Variants in MRPL3 observed in about 807,000 individuals in gnomAD.
MRPL3 encodes large ribosomal subunit protein uL3m.
In MRPL3, 43 loss-of-function variants were observed where a neutral mutation model predicts 44.3. The observed-to-expected ratio is 0.97, with a 90% CI of 0.76 to 1.25. The LOEUF is 1.25. Among genes scored for constraint, MRPL3 ranks in the 50% most tolerant of loss-of-function variants. MRPL3 has a pLI of 0.00. For synonymous variants in MRPL3, 171 were observed against 152.3 expected, an observed-to-expected ratio of 1.12 and a Z score of -0.91; for missense variants, 406 against 427.6, an observed-to-expected ratio of 0.95 and a Z score of 0.45.
At chr3:131,493,983 T>C (rs777592461) in intron 4 of MRPL3, among the ~76,000 whole-genome samples, 5 of 152,252 alleles carry the variant, frequency 3.3e-5, no homozygotes, top group Non-Finnish European at 7.3e-5. Context: ...ACTTGTTCAG[T>C]TTAAAATGTA....
At chr3:131,479,737 C>T (rs1933937255) in intron 6 of MRPL3, among the ~76,000 whole-genome samples, 1 of 151,956 alleles carries the variant, frequency 6.6e-6, no homozygotes, top group Admixed American at 6.6e-5. Context: ...CCCAGCTACT[C>T]GGGAGGCTGA....
At chr3:131,481,898 G>A (rs894952446) in intron 6 of MRPL3, among the ~76,000 whole-genome samples, 43 of 152,292 alleles carry the variant, frequency 2.8e-4, no homozygotes, top group African/African-American at 8.7e-4. Flanking sequence ...CACAGCAACT[G>A]TATCCTGAAG....
intron 6 of MRPL3, among the ~76,000 whole-genome samples, chr3:131,485,160 G>GT (rs1934091026): frequency 1.3e-5 from 2 of 152,116 alleles, no homozygotes; most frequent in South Asian, 2.1e-4. Context: ...AAAAACAAAA[G>GT]TTTTCCTCTT....
chr3:131,471,197 T>G lies in MRPL3; in HGVS notation c.712A>C (p.Arg238=), dbSNP rs370299896. Residue 238 remains arginine, a synonymous_variant, in exon 7 of 10, where the codon AGG becomes CGG. Transcript: ENST00000264995. ...CCAGTTGCAACAGCTCCAGGTCTCC[T>G]GTGGGTTTTCGTTTGACCATGCGTA... ...PATHGQTKTH[R]RPGAVATGDI... is the part of the protein sequence containing the mutation. 58 of 1,612,996 alleles carry G rather than the reference T, an allele frequency of 3.6e-5. No individual in the cohort carries two copies. The highest frequency in any genetic ancestry group is 4.8e-5 in the Non-Finnish European group (57 of 1,179,340).
At chr3:131,487,459 C>A (rs1385349422) in intron 6 of MRPL3, 21 of 423,890 alleles carry the variant, frequency 5.0e-5, no homozygotes, top group Admixed American at 2.6e-4. Flanking sequence ...AAAAAAAAAA[C>A]AAATAAAAAT....
intron 9 of MRPL3, among the ~76,000 whole-genome samples, chr3:131,465,814 T>C (rs755940390): frequency 1.3e-4 from 20 of 152,068 alleles, no homozygotes; most frequent in South Asian, 2.1e-4. Context: ...AGAAACCTAC[T>C]TAAACTTAAA....
At chr3:131,482,117 T>G (rs1934000627) in intron 6 of MRPL3, among the ~76,000 whole-genome samples, 1 of 152,236 alleles carries the variant, frequency 6.6e-6, no homozygotes, top group Non-Finnish European at 1.5e-5. Context: ...GCAACAATAC[T>G]TCTTTACACA....
At chr3:131,484,258 G>C (rs1417633602) in intron 6 of MRPL3, among the ~76,000 whole-genome samples, 1 of 152,104 alleles carries the variant, frequency 6.6e-6, no homozygotes, top group Non-Finnish European at 1.5e-5. Flanking sequence ...TGTGTTTCCG[G>C]ACCAGCAGCA....
At position 131,475,812 on chromosome 3, in the gene MRPL3, C is replaced by A. The variant is rs186033392; in HGVS notation, c.630-4533G>T. Among the ~76,000 whole-genome samples, 451 of 152,174 alleles carry A rather than the reference C, an allele frequency of 3.0e-3. 1 individual carries two copies. Among genetic ancestry groups the A allele is most frequent in the Non-Finnish European group, 5.3e-3 (362 of 67,998 alleles). On this transcript the variant is annotated intron_variant, in intron 6 of 9. Transcript: ENST00000264995. ...TTCCACTTAACATTGAATTTTAGAACCTAATTGGAAAGTACAGTGCTTGGC... is the reference window on the plus strand; with the variant it reads ...TTCCACTTAACATTGAATTTTAGAAACTAATTGGAAAGTACAGTGCTTGGC...
Position 131,502,913 on chromosome 3 carries a change from T to C in MRPL3, c.-92A>G, listed in dbSNP as rs749030024. ...CCACGCCACCGCCACGTGGACGCAG[T>C]AGCCGTGGGGAAGTTTTCGCAATGG... On this transcript the variant is annotated 5_prime_UTR_variant, in exon 1 of 10. Transcript: ENST00000264995. 3.9e-5 allele frequency: 48 copies of C among 1,227,642 alleles called. No individual in the cohort carries two copies. Among genetic ancestry groups the C allele is most frequent in the Admixed American group, 2.5e-4 (13 of 51,076 alleles). The allele number at this position is 1,227,642 out of a possible 1,614,324, so 76.0% of individuals were successfully genotyped here. A position where few individuals can be genotyped will look rare whatever the true frequency, so the allele number is the denominator to read the frequency against.
intron 4 of MRPL3, among the ~76,000 whole-genome samples, chr3:131,491,768 T>C (rs1384430212): frequency 6.6e-6 from 1 of 152,086 alleles, no homozygotes; most frequent in Non-Finnish European, 1.5e-5. Context: ...CCTGGATTAT[T>C]TCAATAGCCT....
chr3:131,487,665 G>C lies in MRPL3; in HGVS notation c.629+15C>G. Reference sequence around the variant, plus strand: ...TGAAAACAAAAGGAAAAGAGAACTCGCTATGAGGACCTACGTTTTGGCTGT... The same window carrying C: ...TGAAAACAAAAGGAAAAGAGAACTCCCTATGAGGACCTACGTTTTGGCTGT... On this transcript the variant is annotated intron_variant, in intron 6 of 9. Coordinates refer to ENST00000264995, the MANE Select transcript of MRPL3 (RefSeq NM_007208.4). 3 of 1,600,508 alleles carry C rather than the reference G, an allele frequency of 1.9e-6. No homozygotes were observed. The African/African-American group carries it at 4.0e-5, about 21-fold the overall frequency.
intron 6 of MRPL3, among the ~76,000 whole-genome samples, chr3:131,485,651 GA>G (rs147601693): frequency 0.012 from 1,722 of 145,418 alleles, 29 homozygotes; most frequent in African/African-American, 0.039. Context: ...CAGGAAGCAG[GA>G]AAAAAAAAAG....
At position 131,501,707 on chromosome 3, in the gene MRPL3, A is replaced by C; in HGVS notation, c.101T>G (p.Ile34Ser). The change falls in exon 2 of 10, where the codon ATC (isoleucine) becomes AGC (serine). Residue 34 changes from isoleucine to serine, a missense_variant. By Grantham distance (142) the Ile-to-Ser change is moderately radical. Transcript: ENST00000264995. ...AALGPGNRTH[I>S]WLFVRGLHGK... is the part of the protein sequence containing the mutation. ...ATGAAGACCTCTAACAAAAAGCCAG[A>C]TGTGTGTTCTATAAAAAGAAAAAAT... 1 of 1,607,716 alleles carries C rather than the reference A, an allele frequency of 6.2e-7. No individual in the cohort carries two copies. Among genetic ancestry groups the C allele is most frequent in the East Asian group, 2.2e-5 (1 of 44,836 alleles).
At chr3:131,483,270 A>C (rs2110705600) in intron 6 of MRPL3, among the ~76,000 whole-genome samples, 1 of 152,260 alleles carries the variant, frequency 6.6e-6, no homozygotes, top group East Asian at 1.9e-4. Context: ...GGGAGAAAAG[A>C]CATCATGATA....
chr3:131,475,326 T>C (rs1933832286), intron 6 of MRPL3, among the ~76,000 whole-genome samples: 1 of 152,162 alleles, frequency 6.6e-6, no homozygotes, highest in Non-Finnish European at 1.5e-5. Context: ...CCTATGTGAA[T>C]AATACAGTTT....
intron 7 of MRPL3, 113 bp downstream of exon 7, chr3:131,471,058 G>A (rs1163740387): frequency 2.8e-6 from 2 of 702,968 alleles, no homozygotes; most frequent in African/African-American, 1.8e-5. Flanking sequence ...AGTACATGGA[G>A]TCCCCTTGTG....
In MRPL3 at chr3:131,469,701, G is replaced by A. The variant is rs1245166643; in HGVS notation, c.811C>T (p.Leu271=). Residue 271 remains leucine (L), a synonymous_variant, in exon 8 of 10, where the codon CTG becomes TTG. Coordinates refer to ENST00000264995, the MANE Select transcript of MRPL3 (RefSeq NM_007208.4). ...MGNIYRTEYG[L]KVWRINTKHN... ...GAACCACTTGTAACACTTACTTTCA[G>A]TCCATATTCTGTCCTGTATATGTTT... is the stretch of plus-strand genomic sequence containing the variant. The A allele has an allele frequency of 1.2e-6, 2 of 1,607,864 alleles. No individual in the cohort carries two copies. Among genetic ancestry groups the A allele is most frequent in the African/African-American group, 1.3e-5 (1 of 74,588 alleles).
chr3:131,490,892 C>A (rs573827108), intron 4 of MRPL3, among the ~76,000 whole-genome samples: 123 of 152,270 alleles, frequency 8.1e-4, no homozygotes, highest in Non-Finnish European at 1.6e-3. Flanking sequence ...CAAACTGGGG[C>A]TGGAAATCAT....
Sources: allele counts gnomAD v4.1 joint callset (sites outside exome capture counted in the v4.1 genomes callset), GRCh38; gene constraint gnomAD v4.1.1; transcripts MANE v1.5; gene names NCBI Gene and HGNC (gene_info 2026-07-23, HGNC 2026-07-21).